IGSF11: variants seen among roughly 807,000 people sequenced by gnomAD.
IGSF11 encodes the protein CXADR like 1.
A neutral mutation model predicts 41.0 loss-of-function variants in IGSF11; 22 were observed. The observed-to-expected ratio is 0.54, with a 90% CI of 0.38 to 0.77. The LOEUF (loss-of-function observed/expected upper bound fraction) is 0.77. IGSF11 is among the 30% of genes least tolerant of loss of function. The pLI is 0.00. For missense variants in IGSF11, 444 were observed against 530.8 expected, an observed-to-expected ratio of 0.84 and a Z score of 1.61; for synonymous variants, 219 against 201.3, an observed-to-expected ratio of 1.09 and a Z score of -0.74.
At chr3:119,004,336 A>C (rs907714625) in intron 1 of IGSF11, among the ~76,000 whole-genome samples, 2 of 137,180 alleles carry the variant, frequency 1.5e-5, no homozygotes, top group Non-Finnish European at 3.1e-5. Flanking sequence ...TATTGTGTCT[A>C]TTTGATTCTT....
chr3:119,123,606 T>G (rs1576827617), intron 1 of IGSF11, among the ~76,000 whole-genome samples: 1 of 152,254 alleles, frequency 6.6e-6, no homozygotes, highest in Admixed American at 6.5e-5. Flanking sequence ...CCAGTGGTGA[T>G]GGCCACAGGG....
intron 1 of IGSF11, among the ~76,000 whole-genome samples, chr3:119,055,356 G>T (rs577706225): frequency 5.3e-5 from 8 of 152,074 alleles, no homozygotes; most frequent in African/African-American, 1.9e-4. Flanking sequence ...AGAGAAGAAG[G>T]CTAAAAGAGA....
chr3:119,023,744 TCTCCA>T (rs1267416544), intron 1 of IGSF11, among the ~76,000 whole-genome samples: 1 of 152,166 alleles, frequency 6.6e-6, no homozygotes, highest in Non-Finnish European at 1.5e-5. Flanking sequence ...ACTTCACTAC[TCTCCA>T]CTCAAGTCGA....
At chr3:118,926,809 T>G (rs1265813749) in intron 3 of IGSF11, among the ~76,000 whole-genome samples, 1 of 152,008 alleles carries the variant, frequency 6.6e-6, no homozygotes, top group Non-Finnish European at 1.5e-5. Flanking sequence ...CATTTCACAA[T>G]CATTAAGGCA....
intron 1 of IGSF11, among the ~76,000 whole-genome samples, chr3:119,021,926 C>T (rs1939333372): frequency 1.3e-5 from 2 of 152,070 alleles, no homozygotes; most frequent in Admixed American, 1.3e-4. Flanking sequence ...CACATATAAA[C>T]AATAATGTGC....
chr3:119,062,376 A>G (rs1301103460), intron 1 of IGSF11, among the ~76,000 whole-genome samples: 1 of 152,338 alleles, frequency 6.6e-6, no homozygotes, highest in Non-Finnish European at 1.5e-5. Flanking sequence ...ACTGCAAAAC[A>G]TTAACACTTC....
chr3:119,088,094 C>T (rs1836690), intron 1 of IGSF11, among the ~76,000 whole-genome samples: 63,695 of 151,816 alleles, frequency 0.42, 14,232 homozygotes, highest in Non-Finnish European at 0.51. Flanking sequence ...TTACAGAATA[C>T]TCCACCCAAC....
intron 1 of IGSF11, among the ~76,000 whole-genome samples, chr3:118,980,723 G>A (rs146151227): frequency 4.6e-5 from 7 of 152,072 alleles, no homozygotes; most frequent in African/African-American, 7.2e-5. Flanking sequence ...CTTGGATGAC[G>A]GATACCCTAA....
At chr3:119,055,698 G>C (rs1225161744) in intron 1 of IGSF11, among the ~76,000 whole-genome samples, 1 of 152,108 alleles carries the variant, frequency 6.6e-6, no homozygotes, top group Non-Finnish European at 1.5e-5. Context: ...ACACTTATTT[G>C]AAAATTGGCC....
At chr3:118,930,399 T>C (rs902464097) in intron 1 of IGSF11, 124 bp from the exon 2 acceptor site, 15 of 907,454 alleles carry the variant, frequency 1.7e-5, no homozygotes, top group East Asian at 2.9e-5. Context: ...ACTGACATGA[T>C]AGTCTTAACA....
intron 3 of IGSF11, among the ~76,000 whole-genome samples, chr3:118,928,203 A>G (rs1352091387): frequency 1.3e-5 from 2 of 152,206 alleles, no homozygotes; most frequent in East Asian, 1.9e-4. Context: ...GCTCTCAACA[A>G]TAAGTTCTGT....
At chr3:118,907,236 C>A (rs1306386514) in intron 4 of IGSF11, among the ~76,000 whole-genome samples, 2 of 152,094 alleles carry the variant, frequency 1.3e-5, no homozygotes, top group African/African-American at 2.4e-5. Context: ...GAAGCAGACA[C>A]GAGGAGTCAG....
intron 1 of IGSF11, among the ~76,000 whole-genome samples, chr3:119,021,521 G>C (rs1459071654): frequency 6.6e-6 from 1 of 151,970 alleles, no homozygotes; most frequent in Non-Finnish European, 1.5e-5. Flanking sequence ...CCATATGTAG[G>C]CACTGTACTA....
chr3:119,102,256 A>G (rs2076950679), intron 1 of IGSF11, among the ~76,000 whole-genome samples: 2 of 152,198 alleles, frequency 1.3e-5, no homozygotes, highest in Non-Finnish European at 1.5e-5. Flanking sequence ...GGGTTTTTGC[A>G]TATTCAGAGA....
chr3:118,902,963 T>C lies in IGSF11; in HGVS notation c.855-2A>G, dbSNP rs1364793693. The C allele has an allele frequency of 2.5e-6, 4 of 1,612,052 alleles. No homozygotes were observed. Among genetic ancestry groups the C allele is most frequent in the Non-Finnish European group, 2.5e-6 (3 of 1,178,400 alleles). On this transcript the variant is annotated splice_acceptor_variant, in intron 6 of 6. Transcript: ENST00000393775. LOFTEE classifies it high-confidence loss of function. ...CACTTGGGTGGAAGATCATCCTCTCTGAAAGGAACAAAATAAAGTCGTTGT... is the reference window on the plus strand; with the variant it reads ...CACTTGGGTGGAAGATCATCCTCTCCGAAAGGAACAAAATAAAGTCGTTGT...
chr3:118,920,764 T>A (rs1941696847), intron 4 of IGSF11, among the ~76,000 whole-genome samples: 1 of 152,136 alleles, frequency 6.6e-6, no homozygotes, highest in African/African-American at 2.4e-5. Flanking sequence ...AACACATATT[T>A]CTCATAATAA....
intron 1 of IGSF11, among the ~76,000 whole-genome samples, chr3:119,112,249 A>T (rs1014125484): frequency 6.6e-6 from 1 of 152,184 alleles, no homozygotes; most frequent in Non-Finnish European, 1.5e-5. Flanking sequence ...GGCTCCACCC[A>T]GCTCGAGCTT....
chr3:118,932,196 T>C (rs1392010697), intron 1 of IGSF11, among the ~76,000 whole-genome samples: 1 of 152,162 alleles, frequency 6.6e-6, no homozygotes, highest in Admixed American at 6.5e-5. Context: ...CCTGGGATGA[T>C]GAAACAGTAT....
chr3:118,947,486 T>C (rs879865075), intron 1 of IGSF11: 6 of 152,174 alleles, frequency 3.9e-5, no homozygotes, highest in Non-Finnish European at 8.8e-5. Context: ...TAAATGTTCT[T>C]TAAATTGATG....
Sources: gnomAD v4.1 joint callset for allele counts (sites outside exome capture counted in the v4.1 genomes callset) on GRCh38, gnomAD v4.1.1 for gene constraint, MANE v1.5 for transcripts, NCBI Gene and HGNC (gene_info 2026-07-23, HGNC 2026-07-21) for gene names.